Variants in IFFO2 observed in about 807,000 individuals in gnomAD.
The protein encoded by IFFO2 is intermediate filament family orphan 2.
In IFFO2, 19 loss-of-function variants were observed where a neutral mutation model predicts 53.5. That is an observed-to-expected ratio of 0.36 (90% CI 0.25 to 0.52). The LOEUF (loss-of-function observed/expected upper bound fraction) is 0.52. IFFO2 is among the 20% of genes least tolerant of loss of function. The pLI is 0.94. For synonymous variants in IFFO2, 303 were observed against 313.6 expected (o/e 0.97, Z 0.36); for missense variants, 570 against 727.4 (o/e 0.78, Z 2.49).
chr1:18,932,310 T>C (rs918943966), intron 1 of IFFO2, among the ~76,000 whole-genome samples: 3 of 152,184 alleles, frequency 2.0e-5, no homozygotes, highest in Non-Finnish European at 4.4e-5. Flanking sequence ...AGCAGCAACC[T>C]TGTTTCTCTG....
chr1:18,953,886 C>T (rs956881394), intron 1 of IFFO2, among the ~76,000 whole-genome samples: 5 of 152,126 alleles, frequency 3.3e-5, no homozygotes, highest in Non-Finnish European at 5.9e-5. Context: ...TAGCCAGGTC[C>T]AAAAAGCACA....
chr1:18,933,303 G>A (rs147660095), intron 1 of IFFO2, among the ~76,000 whole-genome samples: 74 of 152,334 alleles, frequency 4.9e-4, no homozygotes, highest in South Asian at 1.7e-3. Context: ...ATCTTCCTCC[G>A]TCCATGAGTG....
At position 18,919,666 on chromosome 1, in the gene IFFO2, G is replaced by C. The variant is rs1043819052; in HGVS notation, c.822+12C>G. On this transcript the variant is annotated intron_variant, in intron 3 of 8. Transcript: ENST00000455833. The surrounding 1 kb of genome is among the most constrained non-coding windows in gnomAD (Gnocchi z 4.9). ...GAGGTCATGACACCCAGGGGCGGCG[G>C]GCGGCACTTACGTCACTCATAAGCC... The C allele has an allele frequency of 6.5e-6, 10 of 1,544,608 alleles. No homozygotes were observed. The highest frequency in any genetic ancestry group is 8.8e-6 in the Non-Finnish European group (10 of 1,140,698).
intron 1 of IFFO2, among the ~76,000 whole-genome samples, chr1:18,938,613 C>T (rs1263886701): frequency 6.6e-6 from 1 of 152,208 alleles, no homozygotes; most frequent in Non-Finnish European, 1.5e-5. Context: ...CCTGTGCTGA[C>T]TTACTGTGTG....
chr1:18,954,615 C>G (rs1278614326), intron 1 of IFFO2, among the ~76,000 whole-genome samples: 1 of 152,266 alleles, frequency 6.6e-6, no homozygotes, highest in Non-Finnish European at 1.5e-5. Flanking sequence ...CTTCCCCAGC[C>G]AGGCCTGAGA....
At chr1:18,924,948 T>C (rs542839319) in intron 1 of IFFO2, among the ~76,000 whole-genome samples, 4 of 152,308 alleles carry the variant, frequency 2.6e-5, no homozygotes, top group Admixed American at 2.6e-4. Flanking sequence ...CTGTCCCCAC[T>C]TTACAAGTGG....
intron 5 of IFFO2, among the ~76,000 whole-genome samples, chr1:18,915,132 G>A (rs1936112516): frequency 6.6e-6 from 1 of 152,172 alleles, no homozygotes; most frequent in African/African-American, 2.4e-5. Flanking sequence ...ACAAAGCACT[G>A]GACCAAGAGT....
At chr1:18,931,261 C>T (rs1245450094) in intron 1 of IFFO2, among the ~76,000 whole-genome samples, 1 of 152,196 alleles carries the variant, frequency 6.6e-6, no homozygotes, top group African/African-American at 2.4e-5. Flanking sequence ...CCTCCTCCCA[C>T]TGCTTCTGTC....
intron 1 of IFFO2, among the ~76,000 whole-genome samples, chr1:18,951,637 A>G (rs1936661388): frequency 1.3e-5 from 2 of 152,196 alleles, no homozygotes; most frequent in Non-Finnish European, 2.9e-5. Context: ...CTACCAGTCC[A>G]TGGCAACTTT....
At chr1:18,915,437 G>C (rs1225912144) in intron 5 of IFFO2, among the ~76,000 whole-genome samples, 1 of 152,108 alleles carries the variant, frequency 6.6e-6, no homozygotes, top group African/African-American at 2.4e-5. Flanking sequence ...ACATCACTGA[G>C]CCTGGAGTGG....
chr1:18,941,163 G>A (rs1204285570), intron 1 of IFFO2, among the ~76,000 whole-genome samples: 2 of 152,244 alleles, frequency 1.3e-5, no homozygotes, highest in African/African-American at 4.8e-5. Context: ...CGATGTTCCA[G>A]AGAACACATG....
intron 8 of IFFO2, among the ~76,000 whole-genome samples, 179 bp downstream of exon 8, chr1:18,910,163 G>T (rs1936012576): frequency 6.6e-6 from 1 of 151,966 alleles, no homozygotes; most frequent in Non-Finnish European, 1.5e-5. Context: ...TAAGGCATCT[G>T]GCACATAGGT....
At chr1:18,913,882 G>C (rs371226934) in intron 5 of IFFO2, among the ~76,000 whole-genome samples, 16 of 152,346 alleles carry the variant, frequency 1.1e-4, no homozygotes, top group African/African-American at 2.6e-4. Flanking sequence ...CCAGGCTGGA[G>C]TGCAGTGGTG....
Position 18,908,615 on chromosome 1 carries a change from A to G in IFFO2, c.1500T>C (p.Asp500=). The G allele has an allele frequency of 6.5e-7, 1 of 1,537,510 alleles. No individual in the cohort carries two copies. ...CGCGCTCGAACTCATCCTGGATCTC[A>G]TCTGTACTTCCTGAGTCGCTGCTGG... ...SVASSDSGST[D]EIQDEFEREA... The change falls in exon 9 of 9, where the codon GAT becomes GAC. Residue 500 remains aspartate (D), a synonymous_variant. Coordinates refer to ENST00000455833, the MANE Select transcript of IFFO2 (RefSeq NM_001136265.2).
chr1:18,919,810 G>T lies in IFFO2; in HGVS notation c.727-37C>A, dbSNP rs757879774. 3 of 1,413,902 alleles carry T rather than the reference G, an allele frequency of 2.1e-6. No homozygotes were observed. The East Asian group carries it at 7.5e-5, about 35-fold the overall frequency. 87.6% of individuals were successfully genotyped at this position (1,413,902 alleles called of 1,614,324 possible). On this transcript the variant is annotated intron_variant, in intron 2 of 8. Transcript: ENST00000455833. This position sits in a 1 kb window ranked among gnomAD's most constrained non-coding sequence, Gnocchi z 4.9. ...GAGATGGGGAGGCTTCAGAGGGGCCGGGTCCTCTGGGGATAGGAGGGTCTG... is the reference window on the plus strand; with the variant it reads ...GAGATGGGGAGGCTTCAGAGGGGCCTGGTCCTCTGGGGATAGGAGGGTCTG...
At chr1:18,925,525 T>C (rs1039889749) in intron 1 of IFFO2, among the ~76,000 whole-genome samples, 2 of 152,080 alleles carry the variant, frequency 1.3e-5, no homozygotes, top group Non-Finnish European at 2.9e-5. Context: ...GGGCTGGCAC[T>C]CATCTCGGGA....
chr1:18,937,829 C>G (rs979217643), intron 1 of IFFO2, among the ~76,000 whole-genome samples: 2 of 152,392 alleles, frequency 1.3e-5, no homozygotes, highest in Admixed American at 1.3e-4. Flanking sequence ...GGGAATCCCT[C>G]AAGCGCTGCC....
At chr1:18,931,722 C>T (rs1310655867) in intron 1 of IFFO2, among the ~76,000 whole-genome samples, 1 of 152,244 alleles carries the variant, frequency 6.6e-6, no homozygotes, top group Non-Finnish European at 1.5e-5. Context: ...CCACTATACA[C>T]ACTCAGGTGA....
In IFFO2 at chr1:18,955,659, G is replaced by A. The variant is rs755922364; in HGVS notation, c.665+9C>T. On this transcript the variant is annotated intron_variant, in intron 1 of 8. Transcript: ENST00000455833. ...GTCCCAGGGCGGCGGGGGAGGGGCG[G>A]CCACTCACCTCCGCTTATACTCGTC... is the stretch of plus-strand genomic sequence containing the variant. 8.9e-6 allele frequency: 14 copies of A among 1,565,996 alleles called. No homozygotes were observed. The Admixed American group carries it at 2.4e-4, about 27-fold the overall frequency.
Sources: gnomAD v4.1 joint callset for allele counts (sites outside exome capture counted in the v4.1 genomes callset) on GRCh38, gnomAD v4.1.1 for gene constraint, Gnocchi (gnomAD v3.1) non-coding constraint, MANE v1.5 for transcripts, NCBI Gene and HGNC (gene_info 2026-07-23, HGNC 2026-07-21) for gene names.